Variants in ZNF536 observed in about 807,000 individuals in gnomAD.
The protein encoded by ZNF536 is zinc finger protein 536.
In ZNF536, 13 loss-of-function variants were observed where a neutral mutation model predicts 84.5. The ratio of observed to expected loss-of-function variants is 0.15; its 90% CI spans 0.10 to 0.24. ZNF536 has a LOEUF of 0.24. ZNF536 is among the 10% of genes least tolerant of loss of function. The pLI is 1.00. For synonymous variants in ZNF536, 811 were observed against 742.5 expected, an observed-to-expected ratio of 1.09 and a Z score of -1.50; for missense variants, 1,536 against 1,747.5, an observed-to-expected ratio of 0.88 and a Z score of 2.16.
exon 2 of ZNF536, chr19:30,712,055 A>G (rs1195931622): frequency 2.9e-5 from 1 of 34,950 alleles, no homozygotes; most frequent in Non-Finnish European, 4.4e-5. Context: ...AGCTTGTATT[A>G]AAATATGATC....
chr19:30,445,573 C>A lies in ZNF536; in HGVS notation c.2011C>A (p.Arg671=), dbSNP rs1180623012. 6.2e-7 allele frequency: 1 copy of A among 1,613,046 alleles called. No homozygotes were observed. The highest frequency in any genetic ancestry group is 8.5e-7 in the Non-Finnish European group (1 of 1,179,672). The change falls in exon 2 of 5, where the codon CGG becomes AGG. Residue 671 remains arginine (R), a synonymous_variant. Transcript: ENST00000355537. This position sits in a 1 kb window ranked among gnomAD's most constrained non-coding sequence, Gnocchi z 4.5. Reference sequence around the variant, plus strand: ...TGGGCTGCACGTGGGCCTGGATGAGCGGCGTGGCTCGGGCAGTGACCAGGA... The same window carrying A: ...TGGGCTGCACGTGGGCCTGGATGAGAGGCGTGGCTCGGGCAGTGACCAGGA... The part of the protein sequence containing the change: ...EDGLHVGLDE[R]RGSGSDQESQ...
At chr19:30,672,533 G>C (rs1406624120) in intron 1 of ZNF536, among the ~76,000 whole-genome samples, 1 of 152,176 alleles carries the variant, frequency 6.6e-6, no homozygotes, top group Non-Finnish European at 1.5e-5. Context: ...CTGAAAGATG[G>C]GGTCTGCAAA....
intron 3 of ZNF536, among the ~76,000 whole-genome samples, chr19:30,357,442 G>C (rs571686335): frequency 6.6e-6 from 1 of 152,248 alleles, no homozygotes; most frequent in African/African-American, 2.4e-5. Context: ...TGGCTTTGTA[G>C]GCCATGCTGA....
intron 3 of ZNF536, among the ~76,000 whole-genome samples, chr19:30,540,898 C>A (rs2045302619): frequency 6.6e-6 from 1 of 152,272 alleles, no homozygotes; most frequent in Non-Finnish European, 1.5e-5. Context: ...TCCTTGACCC[C>A]TCCCTCAGAC....
At chr19:30,617,543 G>C (rs947034166) in intron 1 of ZNF536, among the ~76,000 whole-genome samples, 1 of 150,876 alleles carries the variant, frequency 6.6e-6, no homozygotes, top group Non-Finnish European at 1.5e-5. Context: ...GTAGAGACTG[G>C]GTTTCACTGT....
chr19:30,668,358 T>A (rs1045510056), intron 1 of ZNF536, among the ~76,000 whole-genome samples: 1 of 152,140 alleles, frequency 6.6e-6, no homozygotes, highest in Non-Finnish European at 1.5e-5. Flanking sequence ...GGGCCCCTTC[T>A]AGAATTTTCT....
At chr19:30,579,854 G>A (rs1377850749) in intron 1 of ZNF536, among the ~76,000 whole-genome samples, 1 of 152,162 alleles carries the variant, frequency 6.6e-6, no homozygotes, top group East Asian at 1.9e-4. Context: ...TATGCTCTGA[G>A]GTCTTTCCTA....
intron 1 of ZNF536, among the ~76,000 whole-genome samples, chr19:30,268,397 C>T (rs1479401643): frequency 6.6e-6 from 1 of 152,158 alleles, no homozygotes; most frequent in Admixed American, 6.5e-5. Context: ...TAAAACTTTA[C>T]CTATATAAGG....
intron 3 of ZNF536, among the ~76,000 whole-genome samples, chr19:30,364,581 C>T (rs2048368756): frequency 6.6e-6 from 1 of 152,152 alleles, no homozygotes; most frequent in Non-Finnish European, 1.5e-5. Context: ...TTGCCTTTCT[C>T]TCGATTGAGG....
intron 1 of ZNF536, among the ~76,000 whole-genome samples, chr19:30,259,917 ATTT>A (rs34342169): frequency 0.14 from 19,199 of 133,712 alleles, 1,275 homozygotes; most frequent in African/African-American, 0.17. Flanking sequence ...TGCCCAGCTA[ATTT>A]TTTTTTTTTT....
chr19:30,418,183 G>T (rs1253811071), intron 1 of ZNF536, among the ~76,000 whole-genome samples: 1 of 151,398 alleles, frequency 6.6e-6, no homozygotes, highest in East Asian at 1.9e-4. Flanking sequence ...ATGTAGATTT[G>T]TTCCCTGGCC....
At chr19:30,433,568 G>A (rs1256234534) in intron 1 of ZNF536, among the ~76,000 whole-genome samples, 1 of 152,202 alleles carries the variant, frequency 6.6e-6, no homozygotes, top group African/African-American at 2.4e-5. Context: ...CGCGATCTCG[G>A]TTCACCACAA....
chr19:30,455,826 T>C (rs2148361225), intron 2 of ZNF536, among the ~76,000 whole-genome samples: 1 of 152,356 alleles, frequency 6.6e-6, no homozygotes, highest in Middle Eastern at 3.4e-3. Context: ...GAGGTGAACA[T>C]TTTTAATTCA....
chr19:30,518,710 C>G (rs960523116), intron 2 of ZNF536, among the ~76,000 whole-genome samples: 7 of 152,170 alleles, frequency 4.6e-5, no homozygotes, highest in African/African-American at 1.7e-4. Flanking sequence ...TGTGATGTTG[C>G]CTTTTATTCA....
chr19:30,605,194 A>C (rs1193320494), intron 1 of ZNF536, among the ~76,000 whole-genome samples: 3 of 152,004 alleles, frequency 2.0e-5, no homozygotes, highest in Non-Finnish European at 4.4e-5. Context: ...TTTTGTTTTA[A>C]ATTTCCATAG....
chr19:30,380,900 A>G (rs1385632748), intron 1 of ZNF536, among the ~76,000 whole-genome samples: 2 of 152,184 alleles, frequency 1.3e-5, no homozygotes, highest in African/African-American at 4.8e-5. Flanking sequence ...TTTTAGAGAC[A>G]GGGGCTCACT....
rs542393059 is a variant in ZNF536 at position 30,444,225 on chromosome 19, G to A, written c.663G>A (p.Arg221=). ...TGAAAGGCAGCCTGCTGCAGCCCCG[G>A]CCGGACCTGAAGCCCCCGCCGCACG... The part of the protein sequence containing the change: ...KQLKGSLLQP[R]PDLKPPPHAQ... The change falls in exon 2 of 5, where the codon CGG becomes CGA. Residue 221 remains arginine (R), a synonymous_variant. Transcript: ENST00000355537. The A allele has an allele frequency of 8.2e-5, 127 of 1,544,998 alleles. 4 individuals carry two copies. The South Asian group carries it at 1.4e-3, about 18-fold the overall frequency.
At chr19:30,537,563 C>G (rs372596924) in intron 3 of ZNF536, among the ~76,000 whole-genome samples, 1 of 150,462 alleles carries the variant, frequency 6.6e-6, no homozygotes, top group Admixed American at 6.6e-5. Flanking sequence ...CTAACCCTGT[C>G]GGCCCAAGAC....
chr19:30,481,542 C>T (rs1034628539), intron 2 of ZNF536, among the ~76,000 whole-genome samples: 6 of 152,150 alleles, frequency 3.9e-5, no homozygotes, highest in East Asian at 1.9e-4. Context: ...CACATTGGTT[C>T]GTGATGAATT....
Sources: allele counts gnomAD v4.1 joint callset (sites outside exome capture counted in the v4.1 genomes callset), GRCh38; gene constraint gnomAD v4.1.1; non-coding constraint Gnocchi (gnomAD v3.1); transcripts MANE v1.5; gene names NCBI Gene and HGNC (gene_info 2026-07-23, HGNC 2026-07-21).